The following DEPTOR variants were observed in gnomAD, a reference collection of about 807,000 sequenced individuals.
DEPTOR encodes the protein DEP domain-containing mTOR-interacting protein.
Under a neutral mutation model 41.6 loss-of-function variants are expected in DEPTOR, and 41 were observed. The ratio of observed to expected loss-of-function variants is 0.98; its 90% CI spans 0.77 to 1.28. The LOEUF (loss-of-function observed/expected upper bound fraction) is 1.28. DEPTOR is among the 50% of genes most tolerant of loss of function. The probability of loss-of-function intolerance (pLI) is 0.00; values close to 1 mark genes in which losing one functional copy is unlikely to be tolerated. For synonymous variants in DEPTOR, 195 were observed against 192.3 expected, an observed-to-expected ratio of 1.01 and a Z score of -0.12; for missense variants, 514 against 527.9, an observed-to-expected ratio of 0.97 and a Z score of 0.26.
chr8:119,969,971 A>G (rs1011245974), intron 4 of DEPTOR: 2 of 152,224 alleles, frequency 1.3e-5, no homozygotes, highest in African/African-American at 4.8e-5. Context: ...GTGGTTCCCT[A>G]TTTTGAAACC....
chr8:120,014,868 G>A (rs1160899732), intron 8 of DEPTOR, among the ~76,000 whole-genome samples: 2 of 151,076 alleles, frequency 1.3e-5, no homozygotes, highest in African/African-American at 4.9e-5. Context: ...TTGTGTAAAC[G>A]TTAACGTTGG....
At chr8:119,983,098 A>G (rs1322254393) in intron 4 of DEPTOR, among the ~76,000 whole-genome samples, 1 of 152,192 alleles carries the variant, frequency 6.6e-6, no homozygotes, top group Non-Finnish European at 1.5e-5. Flanking sequence ...AAATAGCTCT[A>G]AGCTAGATTT....
chr8:119,901,813 A>G (rs552135058), intron 1 of DEPTOR, among the ~76,000 whole-genome samples: 2 of 152,310 alleles, frequency 1.3e-5, no homozygotes, highest in Admixed American at 1.3e-4. Flanking sequence ...CTGTAGAATC[A>G]CAAGGAACAC....
chr8:119,973,400 A>AT (rs1828657995), intron 4 of DEPTOR, among the ~76,000 whole-genome samples: 1 of 152,028 alleles, frequency 6.6e-6, no homozygotes, highest in Non-Finnish European at 1.5e-5. Flanking sequence ...CACCCGGCTA[A>AT]TTTTTTAATT....
intron 8 of DEPTOR, among the ~76,000 whole-genome samples, chr8:120,038,452 A>G (rs1003912383): frequency 2.6e-5 from 4 of 151,534 alleles, no homozygotes; most frequent in African/African-American, 4.8e-5. Context: ...TTAGCTTGGC[A>G]TGAATGCACA....
intron 8 of DEPTOR, among the ~76,000 whole-genome samples, chr8:120,025,426 G>C (rs182072756): frequency 6.6e-6 from 1 of 152,164 alleles, no homozygotes; most frequent in Non-Finnish European, 1.5e-5. Flanking sequence ...GTTCTCCAAG[G>C]AGAGCCTGTG....
Position 120,009,119 on chromosome 8 carries a change from G to T in DEPTOR, c.1087G>T (p.Ala363Ser), listed in dbSNP as rs546279612. Residue 363 changes from alanine (A) to serine (S), a missense_variant, in exon 8 of 9, where the codon GCA becomes TCA. Transcript: ENST00000286234. ...QAVDPSGPAA[A>S]AGMKVCQFVV... The stretch of plus-strand genomic sequence containing the variant: ...TGTAGACCCCAGTGGCCCTGCAGCC[G>T]CAGCAGGAATGAAGGTACTAACGGG... 5 of 1,613,790 alleles carry T rather than the reference G, an allele frequency of 3.1e-6. No individual in the cohort carries two copies. The Admixed American group carries it at 8.3e-5, about 27-fold the overall frequency.
chr8:119,886,273 A>G (rs796805452), intron 1 of DEPTOR, among the ~76,000 whole-genome samples: 2 of 152,262 alleles, frequency 1.3e-5, no homozygotes, highest in South Asian at 2.1e-4. Flanking sequence ...CAGGCCTCAT[A>G]TGGCTTGTAA....
At chr8:120,034,274 C>CACAA (rs1812939927) in intron 8 of DEPTOR, among the ~76,000 whole-genome samples, 1 of 80,546 alleles carries the variant, frequency 1.2e-5, no homozygotes, top group Non-Finnish European at 2.9e-5. Context: ...TACACACACA[C>CACAA]ACACACACAC....
rs867029353 is a variant in DEPTOR, at chr8:119,916,286, T to G, written c.123-12114T>G. 8.8e-3 allele frequency among the ~76,000 whole-genome samples: 924 copies of G among 104,862 alleles called. 2 individuals carry two copies. Among genetic ancestry groups the G allele is most frequent in the African/African-American group, 0.019 (439 of 22,898 alleles). The allele number at this position is 104,862 out of a possible 152,430, so 68.8% of individuals were successfully genotyped here. A position where few individuals can be genotyped will look rare whatever the true frequency, so the allele number is the denominator to read the frequency against. On this transcript the variant is annotated intron_variant, in intron 1 of 8. Coordinates refer to ENST00000286234, the MANE Select transcript of DEPTOR (RefSeq NM_022783.4). The stretch of plus-strand genomic sequence containing the variant: ...GGCTAATTTTTTTTTTTTTTTTTTT[T>G]TTTTTTTTTTTTTTTTAGAAATGGG...
chr8:119,952,144 A>C (rs1265969686), intron 3 of DEPTOR, among the ~76,000 whole-genome samples: 1 of 152,144 alleles, frequency 6.6e-6, no homozygotes. Flanking sequence ...TCAAAAAAAA[A>C]GAGGAAGTCA....
chr8:119,956,794 T>C (rs898356665), intron 3 of DEPTOR, among the ~76,000 whole-genome samples: 2 of 148,580 alleles, frequency 1.3e-5, no homozygotes, highest in Non-Finnish European at 3.0e-5. Context: ...AAGTGCAATG[T>C]CACAATCTCA....
intron 4 of DEPTOR, among the ~76,000 whole-genome samples, chr8:119,986,207 T>C (rs1032463302): frequency 3.9e-5 from 6 of 152,166 alleles, no homozygotes; most frequent in African/African-American, 1.4e-4. Context: ...TCAGGAGCTC[T>C]TGTAAGGCAG....
intron 8 of DEPTOR, among the ~76,000 whole-genome samples, chr8:120,042,798 G>C (rs1813097046): frequency 6.6e-6 from 1 of 152,056 alleles, no homozygotes; most frequent in African/African-American, 2.4e-5. Flanking sequence ...GGGATTACAG[G>C]TGTGAGCACT....
At chr8:120,026,337 C>G (rs1329974814) in intron 8 of DEPTOR, among the ~76,000 whole-genome samples, 2 of 150,780 alleles carry the variant, frequency 1.3e-5, no homozygotes, top group Non-Finnish European at 3.0e-5. Flanking sequence ...GCAGAGAACT[C>G]AAGTATTCTA....
At chr8:119,988,672 G>A (rs1828859882) in intron 4 of DEPTOR, among the ~76,000 whole-genome samples, 1 of 151,914 alleles carries the variant, frequency 6.6e-6, no homozygotes, top group Non-Finnish European at 1.5e-5. Flanking sequence ...TAGTAGAGAT[G>A]GGGTTTCACC....
intron 1 of DEPTOR, among the ~76,000 whole-genome samples, chr8:119,880,118 G>A (rs1827280373): frequency 1.3e-5 from 2 of 150,316 alleles, no homozygotes; most frequent in Non-Finnish European, 2.9e-5. Flanking sequence ...CTCCAGCCTG[G>A]GTGACAGAGC....
At chr8:120,035,335 A>AAGAG (rs1812964350) in intron 8 of DEPTOR, among the ~76,000 whole-genome samples, 1 of 151,930 alleles carries the variant, frequency 6.6e-6, no homozygotes, top group African/African-American at 2.4e-5. Context: ...AAAAGAAAGA[A>AAGAG]AGAAAGAAAG....
intron 1 of DEPTOR, among the ~76,000 whole-genome samples, chr8:119,916,549 T>G (rs1224352269): frequency 6.6e-6 from 1 of 152,206 alleles, no homozygotes; most frequent in East Asian, 1.9e-4. Flanking sequence ...AAAGTTAGTT[T>G]TATTTGGAAG....
Sources: allele counts gnomAD v4.1 joint callset (sites outside exome capture counted in the v4.1 genomes callset), GRCh38; gene constraint gnomAD v4.1.1; transcripts MANE v1.5; gene names NCBI Gene and HGNC (gene_info 2026-07-23, HGNC 2026-07-21).